DLG2: variants seen among roughly 807,000 people sequenced by gnomAD.
DLG2 encodes discs large MAGUK scaffold protein 2.
A neutral mutation model predicts 132.5 loss-of-function variants in DLG2; 45 were observed. The observed-to-expected ratio is 0.34, with a 90% CI of 0.27 to 0.44. The LOEUF (loss-of-function observed/expected upper bound fraction) is 0.44, where lower values mean the gene tolerates loss of function less well. DLG2 is among the 20% of genes least tolerant of loss of function. The pLI, the probability that DLG2 is intolerant of heterozygous loss-of-function variation, is 1.00. For missense variants in DLG2, 1,045 were observed against 1,196.9 expected (o/e 0.87, Z 1.87); for synonymous variants, 424 against 419.6 (o/e 1.01, Z -0.13).
chr11:83,975,385 A>G (rs71465577), intron 12 of DLG2, among the ~76,000 whole-genome samples: 6,474 of 152,120 alleles, frequency 0.043, 199 homozygotes, highest in Non-Finnish European at 0.067. Context: ...TGAACAATAA[A>G]TTCTAAGTGA....
chr11:83,551,440 C>T (rs561816527), intron 19 of DLG2, among the ~76,000 whole-genome samples: 50 of 152,180 alleles, frequency 3.3e-4, no homozygotes, highest in African/African-American at 9.6e-4. Context: ...ATATGAAAAA[C>T]GGGAGAAAGA....
At chr11:85,380,403 A>G (rs1299559476) in intron 3 of DLG2, among the ~76,000 whole-genome samples, 2 of 152,212 alleles carry the variant, frequency 1.3e-5, no homozygotes, top group African/African-American at 4.8e-5. Flanking sequence ...TCATGCCTGT[A>G]ATTCCAGCAC....
intron 3 of DLG2, among the ~76,000 whole-genome samples, chr11:85,297,778 A>AAT (rs2079329331): frequency 6.6e-6 from 1 of 152,148 alleles, no homozygotes; most frequent in Non-Finnish European, 1.5e-5. Context: ...CCCAGGGCCT[A>AAT]ATCAAGATGA....
intron 6 of DLG2, among the ~76,000 whole-genome samples, chr11:84,591,223 C>CTCTGTGTGTGTGTGTGTT (rs1555073566): frequency 7.2e-6 from 1 of 139,222 alleles, no homozygotes; most frequent in Non-Finnish European, 1.5e-5. Context: ...ATGTGTCTCT[C>CTCTGTGTGTGTGTGTGTT]TGTGTGTGTG....
intron 7 of DLG2, among the ~76,000 whole-genome samples, chr11:84,263,109 G>A (rs1598605596): frequency 6.6e-6 from 1 of 152,236 alleles, no homozygotes; most frequent in Non-Finnish European, 1.5e-5. Context: ...AGTTTACTGA[G>A]TCTCCCCAGT....
At chr11:84,204,109 C>G (rs540016292) in intron 8 of DLG2, among the ~76,000 whole-genome samples, 2 of 152,090 alleles carry the variant, frequency 1.3e-5, no homozygotes, top group Admixed American at 6.6e-5. Context: ...AGGTGCCCAC[C>G]ACCATGCCCG....
chr11:83,936,432 C>T (rs767108624), intron 14 of DLG2, among the ~76,000 whole-genome samples: 11 of 152,082 alleles, frequency 7.2e-5, no homozygotes, highest in Non-Finnish European at 1.3e-4. Flanking sequence ...TTTGCTTTCC[C>T]GTATGGTTCA....
chr11:84,460,377 A>C (rs1009281711), intron 7 of DLG2, among the ~76,000 whole-genome samples: 1 of 150,666 alleles, frequency 6.6e-6, no homozygotes, highest in South Asian at 2.1e-4. Flanking sequence ...ATATTGCTTC[A>C]TCAAGCAAAC....
chr11:83,861,054 G>T (rs1490666860), intron 16 of DLG2, among the ~76,000 whole-genome samples: 1 of 152,066 alleles, frequency 6.6e-6, no homozygotes. Context: ...TCAGCAGTGT[G>T]AAAATGGACT....
At chr11:85,448,789 C>T (rs2092118505) in intron 3 of DLG2, among the ~76,000 whole-genome samples, 1 of 152,132 alleles carries the variant, frequency 6.6e-6, no homozygotes, top group East Asian at 1.9e-4. Flanking sequence ...AAGTCCATTG[C>T]CACATCCACA....
At chr11:84,668,118 C>T (rs544797764) in intron 6 of DLG2, among the ~76,000 whole-genome samples, 11 of 152,152 alleles carry the variant, frequency 7.2e-5, no homozygotes, top group Middle Eastern at 3.4e-3. Flanking sequence ...ACGCCCATTT[C>T]GAATGAAGTG....
Position 85,598,739 on chromosome 11 carries a change from C to A in DLG2, c.-43G>T. 6.4e-7 allele frequency: 1 copy of A among 1,553,010 alleles called. No homozygotes were observed. Reference sequence around the variant, plus strand: ...TTTTCAACAGCTGCTCCTCTGGTTTCCTTAATTTTTTGCAGTATTCTTCCA... The same window carrying A: ...TTTTCAACAGCTGCTCCTCTGGTTTACTTAATTTTTTGCAGTATTCTTCCA... On this transcript the variant is annotated 5_prime_UTR_variant, in exon 3 of 28. Transcript: ENST00000376104.
At chr11:84,194,825 T>C (rs964822137) in intron 8 of DLG2, among the ~76,000 whole-genome samples, 2 of 152,062 alleles carry the variant, frequency 1.3e-5, no homozygotes, top group South Asian at 2.1e-4. Flanking sequence ...TCCTCAGCCC[T>C]TGGGCAGTTG....
At chr11:84,721,001 GCCT>G (rs2061770042) in intron 6 of DLG2, 2 of 152,292 alleles carry the variant, frequency 1.3e-5, no homozygotes, top group African/African-American at 4.8e-5. Flanking sequence ...GACTGGCCCT[GCCT>G]TTGGGCGCTC....
At chr11:85,034,396 G>A (rs568196530) in intron 6 of DLG2, among the ~76,000 whole-genome samples, 6 of 152,184 alleles carry the variant, frequency 3.9e-5, no homozygotes, top group East Asian at 3.9e-4. Flanking sequence ...GGTTGTAGGC[G>A]TAGAGCTGGA....
intron 3 of DLG2, among the ~76,000 whole-genome samples, chr11:85,430,664 T>C (rs939855360): frequency 6.6e-6 from 1 of 152,126 alleles, no homozygotes; most frequent in Non-Finnish European, 1.5e-5. Context: ...CTCATTTCTG[T>C]GGGTTTGACT....
chr11:84,957,880 T>C (rs1343699622), intron 6 of DLG2, among the ~76,000 whole-genome samples: 1 of 152,190 alleles, frequency 6.6e-6, no homozygotes, highest in Non-Finnish European at 1.5e-5. Context: ...ACCATATTCA[T>C]TGGTTTGGTG....
chr11:84,978,010 T>C (rs569158518), intron 6 of DLG2, among the ~76,000 whole-genome samples: 3 of 152,302 alleles, frequency 2.0e-5, no homozygotes, highest in South Asian at 4.1e-4. Context: ...CTGTATTCTT[T>C]TTATTCTAAA....
At chr11:85,505,131 G>A (rs529724832) in intron 3 of DLG2, among the ~76,000 whole-genome samples, 3 of 152,138 alleles carry the variant, frequency 2.0e-5, no homozygotes, top group African/African-American at 7.2e-5. Flanking sequence ...CTGAGACAAT[G>A]GGGTTTTCTA....
Sources: gnomAD v4.1 joint callset for allele counts (sites outside exome capture counted in the v4.1 genomes callset) on GRCh38, gnomAD v4.1.1 for gene constraint, MANE v1.5 for transcripts, NCBI Gene and HGNC (gene_info 2026-07-23, HGNC 2026-07-21) for gene names.